PHKB: variants seen among roughly 807,000 people sequenced by gnomAD.
PHKB encodes the protein phosphorylase b kinase regulatory subunit beta.
Under a neutral mutation model 152.1 loss-of-function variants are expected in PHKB, and 122 were observed. The ratio of observed to expected loss-of-function variants is 0.80; its 90% CI spans 0.69 to 0.93. PHKB has a LOEUF of 0.93. Ranked by LOEUF, PHKB falls within the 40% of genes least tolerant of loss-of-function variation. The pLI is 0.00. For synonymous variants in PHKB, 436 were observed against 464.9 expected, an observed-to-expected ratio of 0.94 and a Z score of 0.80; for missense variants, 1,304 against 1,328.4, an observed-to-expected ratio of 0.98 and a Z score of 0.29.
intron 7 of PHKB, chr16:47,566,188 ACTCAT>A (rs1418784475): frequency 4.3e-6 from 3 of 705,270 alleles, no homozygotes; most frequent in Non-Finnish European, 7.7e-6. Flanking sequence ...CCATCCCAAT[ACTCAT>A]CACAATACCA....
chr16:47,493,345 A>G (rs1970181837), intron 1 of PHKB, among the ~76,000 whole-genome samples: 1 of 152,234 alleles, frequency 6.6e-6, no homozygotes, highest in Admixed American at 6.5e-5. Context: ...GCAAAGAAAT[A>G]ACTTTGTCAG....
chr16:47,557,544 AC>A (rs1971397454), intron 7 of PHKB, among the ~76,000 whole-genome samples: 1 of 152,208 alleles, frequency 6.6e-6, no homozygotes, highest in Non-Finnish European at 1.5e-5. Context: ...CAAGAAAAAA[AC>A]AAACAACCCC....
At chr16:47,653,774 G>A (rs1973281839) in intron 20 of PHKB, among the ~76,000 whole-genome samples, 1 of 152,032 alleles carries the variant, frequency 6.6e-6, no homozygotes, top group South Asian at 2.1e-4. Context: ...TAAATAATGG[G>A]CTATACCATA....
Position 47,641,686 on chromosome 16 carries a change from T to C in PHKB, c.1602T>C (p.Leu534=), listed in dbSNP as rs200463341. ...TTCAGATATGGCCTCAGCAGGAGCTTGTGAAAGTAAGTGATTCTGCCTTTT... is the reference window on the plus strand; with the variant it reads ...TTCAGATATGGCCTCAGCAGGAGCTCGTGAAAGTAAGTGATTCTGCCTTTT... ...EPIQIWPQQE[L]VKAYLQLGIN... is the part of the protein sequence containing the mutation. The change falls in exon 16 of 31, where the codon CTT becomes CTC. Residue 534 remains leucine, a synonymous_variant. Coordinates refer to ENST00000323584, the MANE Select transcript of PHKB (RefSeq NM_000293.3). The C allele has an allele frequency of 2.6e-6, 4 of 1,559,578 alleles. No individual in the cohort carries two copies. Among genetic ancestry groups the C allele is most frequent in the Non-Finnish European group, 3.5e-6 (4 of 1,130,352 alleles).
chr16:47,687,663 A>G (rs182854238), intron 26 of PHKB, among the ~76,000 whole-genome samples: 2 of 152,348 alleles, frequency 1.3e-5, no homozygotes, highest in Admixed American at 1.3e-4. Context: ...TCTAAAAATT[A>G]GTATGTTTCA....
At chr16:47,636,978 C>G (rs553788617) in intron 14 of PHKB, among the ~76,000 whole-genome samples, 1 of 152,276 alleles carries the variant, frequency 6.6e-6, no homozygotes, top group East Asian at 1.9e-4. Flanking sequence ...CGCTTCCTCC[C>G]TTCTGAGCCC....
chr16:47,511,811 A>T (rs758792304), intron 5 of PHKB, 39 bp downstream of exon 5: 1 of 1,294,268 alleles, frequency 7.7e-7, no homozygotes, highest in Non-Finnish European at 1.1e-6. Flanking sequence ...CTTATATTAT[A>T]TAGCATAGAA....
At chr16:47,508,850 G>C (rs1232424057) in intron 4 of PHKB, among the ~76,000 whole-genome samples, 3 of 152,024 alleles carry the variant, frequency 2.0e-5, no homozygotes, top group Non-Finnish European at 4.4e-5. Flanking sequence ...AATCTTCAAA[G>C]CTTATACTTT....
At chr16:47,640,452 G>A (rs909747577) in intron 14 of PHKB, among the ~76,000 whole-genome samples, 1 of 152,060 alleles carries the variant, frequency 6.6e-6, no homozygotes, top group Admixed American at 6.5e-5. Flanking sequence ...TCTTTGATTA[G>A]AACTATTAAG....
At chr16:47,499,360 T>C (rs1012763054) in intron 2 of PHKB, among the ~76,000 whole-genome samples, 1 of 152,230 alleles carries the variant, frequency 6.6e-6, no homozygotes, top group Non-Finnish European at 1.5e-5. Flanking sequence ...TGCTACTCTT[T>C]CTTGTGCATT....
chr16:47,536,807 A>G (rs558116028), intron 6 of PHKB, among the ~76,000 whole-genome samples: 51 of 152,324 alleles, frequency 3.3e-4, no homozygotes, highest in African/African-American at 1.2e-3. Flanking sequence ...GTTAGAGGTG[A>G]GAAAAAAAAC....
intron 13 of PHKB, among the ~76,000 whole-genome samples, chr16:47,601,280 G>T (rs1056049523): frequency 1.2e-4 from 19 of 152,092 alleles, no homozygotes; most frequent in African/African-American, 4.3e-4. Flanking sequence ...GAAAACTAAA[G>T]AAATATAAAG....
intron 3 of PHKB, among the ~76,000 whole-genome samples, chr16:47,500,407 T>C (rs1328759705): frequency 6.6e-6 from 1 of 152,206 alleles, no homozygotes; most frequent in African/African-American, 2.4e-5. Context: ...CCAAAACTTC[T>C]TGTCTCTAGG....
At chr16:47,461,777 C>T (rs1400088463) in intron 1 of PHKB, among the ~76,000 whole-genome samples, 1 of 152,160 alleles carries the variant, frequency 6.6e-6, no homozygotes, top group African/African-American at 2.4e-5. Context: ...TGTGTCTTTC[C>T]TGTGAATGTT....
intron 1 of PHKB, among the ~76,000 whole-genome samples, chr16:47,494,024 C>A (rs537524761): frequency 1.3e-5 from 2 of 152,302 alleles, no homozygotes; most frequent in East Asian, 1.9e-4. Context: ...AAGTCTTAAT[C>A]CTTAATCAAG....
chr16:47,613,911 A>G (rs988728461), intron 14 of PHKB, among the ~76,000 whole-genome samples: 5 of 152,184 alleles, frequency 3.3e-5, no homozygotes, highest in Non-Finnish European at 7.3e-5. Flanking sequence ...TTTCCATGAG[A>G]TTCATCCAAG....
At chr16:47,607,480 A>G (rs1056242217) in intron 13 of PHKB, among the ~76,000 whole-genome samples, 5 of 152,162 alleles carry the variant, frequency 3.3e-5, no homozygotes, top group Non-Finnish European at 7.4e-5. Context: ...AATATTTTCA[A>G]GGTTTATCCA....
chr16:47,517,446 A>G (rs797006319), intron 6 of PHKB, among the ~76,000 whole-genome samples: 11 of 151,804 alleles, frequency 7.2e-5, no homozygotes, highest in African/African-American at 2.7e-4. Context: ...TTTTGTAGAG[A>G]TGGGTTTACC....
chr16:47,617,554 C>T (rs559768252), intron 14 of PHKB, among the ~76,000 whole-genome samples: 2 of 152,076 alleles, frequency 1.3e-5, no homozygotes, highest in South Asian at 2.1e-4. Context: ...TGTCTTTCTG[C>T]GTGTGGCTTA....
Sources: gnomAD v4.1 joint callset for allele counts (sites outside exome capture counted in the v4.1 genomes callset) on GRCh38, gnomAD v4.1.1 for gene constraint, MANE v1.5 for transcripts, NCBI Gene and HGNC (gene_info 2026-07-23, HGNC 2026-07-21) for gene names.